CLNK: variants seen among roughly 807,000 people sequenced by gnomAD.
The protein encoded by CLNK is cytokine-dependent hematopoietic cell linker.
A neutral mutation model predicts 68.6 loss-of-function variants in CLNK; 74 were observed. The observed-to-expected ratio is 1.08, with a 90% confidence interval of 0.89 to 1.31. The LOEUF (loss-of-function observed/expected upper bound fraction) is 1.31. Among genes scored for constraint, CLNK ranks in the 50% most tolerant of loss-of-function variants. The pLI, the probability that CLNK is intolerant of heterozygous loss-of-function variation, is 0.00. For missense variants in CLNK, 553 were observed against 515.3 expected (o/e 1.07, Z -0.71); for synonymous variants, 198 against 172.2 (o/e 1.15, Z -1.17).
At chr4:10,658,987 G>C (rs570063459) in intron 2 of CLNK, among the ~76,000 whole-genome samples, 20 of 152,266 alleles carry the variant, frequency 1.3e-4, no homozygotes, top group African/African-American at 4.8e-4. Flanking sequence ...TGGATTACCT[G>C]AGGTCAGGAG....
intron 4 of CLNK, among the ~76,000 whole-genome samples, chr4:10,583,509 A>G (rs749687449): frequency 2.7e-5 from 4 of 150,712 alleles, no homozygotes; most frequent in Non-Finnish European, 5.9e-5. Flanking sequence ...CTTGTCTCAA[A>G]CTCCTGACCT....
intron 18 of CLNK, among the ~76,000 whole-genome samples, chr4:10,494,352 A>G (rs937862041): frequency 6.6e-6 from 1 of 152,164 alleles, no homozygotes; most frequent in African/African-American, 2.4e-5. Flanking sequence ...TACATTTGCT[A>G]TTAATTGTTT....
At chr4:10,603,162 A>G (rs2108848646) in intron 2 of CLNK, among the ~76,000 whole-genome samples, 1 of 152,344 alleles carries the variant, frequency 6.6e-6, no homozygotes, top group Non-Finnish European at 1.5e-5. Flanking sequence ...TGACTTTTCC[A>G]GAACCTTCTC....
At chr4:10,600,920 G>A (rs1386219409) in intron 2 of CLNK, among the ~76,000 whole-genome samples, 1 of 152,222 alleles carries the variant, frequency 6.6e-6, no homozygotes, top group Non-Finnish European at 1.5e-5. Context: ...GGATGGGATA[G>A]AGTCTGAGAG....
At chr4:10,616,798 A>G (rs1000901055) in intron 2 of CLNK, among the ~76,000 whole-genome samples, 2 of 41,220 alleles carry the variant, frequency 4.9e-5, no homozygotes, top group African/African-American at 1.4e-4. Context: ...GTGTATATAT[A>G]TATATATATA....
intron 2 of CLNK, among the ~76,000 whole-genome samples, chr4:10,614,466 C>G (rs2720355): frequency 0.96 from 145,690 of 152,198 alleles, 69,933 homozygotes; most frequent in East Asian, 1. Flanking sequence ...TGAATATCAT[C>G]GACATTAAGA....
chr4:10,725,219 C>CGATTTAAT, the CLNK span, among the ~76,000 whole-genome samples: 28,430 of 151,898 alleles, frequency 0.19, 2,785 homozygotes, highest in South Asian at 0.3. Context: ...AAAGGTCACT[C>CGATTTAAT]GATTTAATGC....
At chr4:10,567,169 A>G (rs560764069) in intron 5 of CLNK, among the ~76,000 whole-genome samples, 1 of 151,858 alleles carries the variant, frequency 6.6e-6, no homozygotes, top group South Asian at 2.1e-4. Context: ...TTGGAGGACT[A>G]ACACTTATTT....
chr4:10,591,657 A>G (rs1189296161), intron 3 of CLNK, among the ~76,000 whole-genome samples: 4 of 152,226 alleles, frequency 2.6e-5, no homozygotes, highest in African/African-American at 4.8e-5. Flanking sequence ...AGCAAGGCCA[A>G]TGGAGTGCCT....
In CLNK at chr4:10,533,115, G is replaced by A. The variant is rs144246826; in HGVS notation, c.603-832C>T. Among the ~76,000 whole-genome samples, 1,360 of 152,008 alleles carry A rather than the reference G, an allele frequency of 8.9e-3. 41 individuals are homozygous for A. The South Asian group carries it at 0.09, about 10-fold the overall frequency. ...TCTACTAAAAATACAAAGATTAGCC[G>A]GGTGTGATGACACATGCCTGTAGTC... On this transcript the variant is annotated intron_variant, in intron 11 of 18. Coordinates refer to ENST00000226951, the MANE Select transcript of CLNK (RefSeq NM_052964.4).
chr4:10,546,933 G>A (rs1212568450), intron 8 of CLNK, among the ~76,000 whole-genome samples: 3 of 152,136 alleles, frequency 2.0e-5, no homozygotes, highest in Non-Finnish European at 4.4e-5. Context: ...GGGATCAGAT[G>A]GTAAGGCGAC....
intron 2 of CLNK, among the ~76,000 whole-genome samples, chr4:10,646,527 G>A (rs1034225859): frequency 6.6e-6 from 1 of 152,148 alleles, no homozygotes; most frequent in Admixed American, 6.6e-5. Flanking sequence ...AATTCATTTT[G>A]CCAGGAAGAA....
intron 2 of CLNK, among the ~76,000 whole-genome samples, chr4:10,655,677 T>G (rs192518972): frequency 0.022 from 2,429 of 110,460 alleles, 90 homozygotes; most frequent in African/African-American, 0.082. Context: ...TGAGACAGAG[T>G]CTTGCCCTGT....
chr4:10,564,097 A>ATTT (rs1172473098), intron 7 of CLNK, among the ~76,000 whole-genome samples: 1 of 141,582 alleles, frequency 7.1e-6, no homozygotes, highest in Admixed American at 7.1e-5. Context: ...CATTTACTAG[A>ATTT]TTTTTTCTTT....
intron 15 of CLNK, among the ~76,000 whole-genome samples, chr4:10,513,845 A>ATTG (rs1423075336): frequency 9.7e-5 from 14 of 144,820 alleles, no homozygotes; most frequent in African/African-American, 3.3e-4. Flanking sequence ...TATTATTATT[A>ATTG]TTATTATTAT....
intron 2 of CLNK, among the ~76,000 whole-genome samples, chr4:10,641,846 T>C (rs1455382219): frequency 6.6e-6 from 1 of 152,208 alleles, no homozygotes; most frequent in Admixed American, 6.5e-5. Context: ...TCCCCCATAC[T>C]GTTCTCATGG....
intron 8 of CLNK, among the ~76,000 whole-genome samples, chr4:10,551,515 G>C (rs1260416225): frequency 6.6e-6 from 1 of 151,832 alleles, no homozygotes; most frequent in East Asian, 1.9e-4. Context: ...GTGATCCACT[G>C]GCCTCAGCCT....
chr4:10,531,854 C>A (rs1252955728), intron 12 of CLNK: 5 of 464,740 alleles, frequency 1.1e-5, no homozygotes, highest in Non-Finnish European at 2.1e-5. Context: ...TCTTGTGCAA[C>A]TTTGGATCTC....
intron 11 of CLNK, among the ~76,000 whole-genome samples, chr4:10,533,168 G>C (rs1718620871): frequency 6.6e-6 from 1 of 152,200 alleles, no homozygotes; most frequent in South Asian, 2.1e-4. Flanking sequence ...TGAGGCAGGA[G>C]AGTAGCTTGA....
Sources: allele counts gnomAD v4.1 joint callset (sites outside exome capture counted in the v4.1 genomes callset), GRCh38; gene constraint gnomAD v4.1.1; transcripts MANE v1.5; gene names NCBI Gene and HGNC (gene_info 2026-07-23, HGNC 2026-07-21).